Variants in ARHGAP26 observed in about 807,000 individuals in gnomAD.
The protein encoded by ARHGAP26 is rho GTPase-activating protein 26.
A neutral mutation model predicts 104.8 loss-of-function variants in ARHGAP26; 38 were observed. The ratio of observed to expected loss-of-function variants is 0.36; its 90% confidence interval spans 0.28 to 0.48. The LOEUF is 0.48. ARHGAP26 is among the 20% of genes least tolerant of loss of function. ARHGAP26 has a pLI of 0.99. For synonymous variants in ARHGAP26, 341 were observed against 340.0 expected (o/e 1.00, Z -0.03); for missense variants, 704 against 947.9 (o/e 0.74, Z 3.38).
chr5:142,910,262 AG>A (rs1761657451), intron 9 of ARHGAP26, among the ~76,000 whole-genome samples: 1 of 152,174 alleles, frequency 6.6e-6, no homozygotes, highest in Non-Finnish European at 1.5e-5. Flanking sequence ...CAAGTTACAG[AG>A]CTGGTGCTCA....
At chr5:143,215,968 C>G (rs191951910) in intron 22 of ARHGAP26, among the ~76,000 whole-genome samples, 9 of 152,204 alleles carry the variant, frequency 5.9e-5, no homozygotes, top group African/African-American at 2.2e-4. Flanking sequence ...TGGGGATATA[C>G]CTAGGAGTGG....
intron 12 of ARHGAP26, among the ~76,000 whole-genome samples, chr5:143,026,710 G>A (rs1202984760): frequency 6.6e-6 from 1 of 151,264 alleles, no homozygotes; most frequent in Non-Finnish European, 1.5e-5. Context: ...AGAAGTCACT[G>A]GAGAGTTGTG....
intron 11 of ARHGAP26, among the ~76,000 whole-genome samples, chr5:142,992,724 C>T (rs982188445): frequency 7.9e-5 from 12 of 152,128 alleles, no homozygotes; most frequent in Non-Finnish European, 1.5e-4. Context: ...CCACGCCTGG[C>T]CAGTAGTGAT....
intron 17 of ARHGAP26, among the ~76,000 whole-genome samples, chr5:143,087,055 T>C (rs146002835): frequency 0.013 from 2,004 of 152,368 alleles, 45 homozygotes; most frequent in East Asian, 0.078. Flanking sequence ...GCCAGGGTCC[T>C]TGGCATTGTG....
intron 11 of ARHGAP26, among the ~76,000 whole-genome samples, chr5:142,944,895 C>A (rs563750268): frequency 6.6e-6 from 1 of 152,250 alleles, no homozygotes; most frequent in South Asian, 2.1e-4. Context: ...CCTGCTTTAT[C>A]CTGGCTGGTG....
At chr5:143,210,183 G>A (rs781544134) in intron 21 of ARHGAP26, among the ~76,000 whole-genome samples, 18 of 152,168 alleles carry the variant, frequency 1.2e-4, no homozygotes, top group Non-Finnish European at 2.2e-4. Context: ...GCAGTTCCAC[G>A]TGGCTGGGGA....
chr5:143,057,995 A>G, intron 17 of ARHGAP26: 1 of 644,884 alleles, frequency 1.6e-6, no homozygotes, highest in Non-Finnish European at 3.0e-6. Flanking sequence ...TTTCAGGGGG[A>G]TTTTACCTAT....
intron 1 of ARHGAP26, among the ~76,000 whole-genome samples, chr5:142,868,365 C>T (rs372991786): frequency 3.9e-5 from 6 of 152,118 alleles, no homozygotes; most frequent in East Asian, 1.9e-4. Flanking sequence ...GAGGGACTTT[C>T]GTCTTCACCT....
At chr5:142,956,923 G>A (rs1015177137) in intron 11 of ARHGAP26, among the ~76,000 whole-genome samples, 4 of 152,220 alleles carry the variant, frequency 2.6e-5, no homozygotes, top group East Asian at 1.9e-4. Flanking sequence ...GGGAAATACC[G>A]GCCCTCGTGA....
At position 143,227,406 on chromosome 5, in the gene ARHGAP26, T is replaced by C. The variant is rs154786; in HGVS notation, c.*4960T>C. ...CACTTTATAAAGTCAGCAGGATGTC[T>C]TCTCACCCACCCTGTGCTGGTGTCT... On this transcript the variant is annotated 3_prime_UTR_variant, in exon 23 of 23. Coordinates refer to ENST00000645722, the MANE Select transcript of ARHGAP26 (RefSeq NM_001135608.3). The C allele has an allele frequency of 0.62, 144,048 of 230,852 alleles. 47,663 individuals carry two copies. The highest frequency in any genetic ancestry group is 0.88 in the African/African-American group (39,786 of 45,264). 14.3% of individuals were successfully genotyped at this position (230,852 alleles called of 1,614,324 possible).
At chr5:142,838,379 G>C (rs1184308635) in intron 1 of ARHGAP26, among the ~76,000 whole-genome samples, 5 of 152,092 alleles carry the variant, frequency 3.3e-5, no homozygotes, top group African/African-American at 1.2e-4. Context: ...AGCTTTCATT[G>C]TTCTTACCTT....
chr5:142,975,990 A>C (rs1005047219), intron 11 of ARHGAP26, among the ~76,000 whole-genome samples: 5 of 152,230 alleles, frequency 3.3e-5, no homozygotes, highest in Non-Finnish European at 7.3e-5. Context: ...CGTGGAACTT[A>C]GTGACAGGCA....
chr5:142,857,092 C>T (rs1752479225), intron 1 of ARHGAP26, among the ~76,000 whole-genome samples: 1 of 152,184 alleles, frequency 6.6e-6, no homozygotes, highest in African/African-American at 2.4e-5. Context: ...CCTCCATCTT[C>T]ACAGGGCCTT....
intron 17 of ARHGAP26, among the ~76,000 whole-genome samples, chr5:143,091,505 CTATTTT>C (rs1426737650): frequency 6.6e-6 from 1 of 152,156 alleles, no homozygotes; most frequent in Non-Finnish European, 1.5e-5. Flanking sequence ...CCTTTAGCAC[CTATTTT>C]TATTAGTTTC....
intron 1 of ARHGAP26, among the ~76,000 whole-genome samples, chr5:142,796,940 A>G (rs2151941517): frequency 6.6e-6 from 1 of 152,318 alleles, no homozygotes; most frequent in South Asian, 2.1e-4. Flanking sequence ...TTCCGTTTCC[A>G]CTGGGAAGCT....
intron 20 of ARHGAP26, among the ~76,000 whole-genome samples, chr5:143,186,030 C>T (rs183520429): frequency 1.3e-5 from 2 of 152,266 alleles, no homozygotes; most frequent in East Asian, 3.9e-4. Flanking sequence ...GAGGCCATGG[C>T]TCAGAAGGAA....
At chr5:143,010,015 C>T (rs1778523700) in intron 11 of ARHGAP26, among the ~76,000 whole-genome samples, 1 of 152,202 alleles carries the variant, frequency 6.6e-6, no homozygotes, top group Non-Finnish European at 1.5e-5. Flanking sequence ...AATCATAAGA[C>T]AAAGCTATGG....
chr5:142,782,237 G>T (rs1247359861), intron 1 of ARHGAP26, among the ~76,000 whole-genome samples: 1 of 152,158 alleles, frequency 6.6e-6, no homozygotes, highest in African/African-American at 2.4e-5. Flanking sequence ...GTTCCTGCAG[G>T]GCATGCAGGT....
rs963166010 is a variant in ARHGAP26 at position 143,224,864 on chromosome 5, T to C, written c.*2418T>C. On this transcript the variant is annotated 3_prime_UTR_variant, in exon 23 of 23. Coordinates refer to ENST00000645722, the MANE Select transcript of ARHGAP26 (RefSeq NM_001135608.3). The stretch of plus-strand genomic sequence containing the variant: ...AGGTGGTTTTAAAGTTAACAGGGGT[T>C]TGTCATGGTGATTCACTACTCAGTT... 1.3e-5 allele frequency: 3 copies of C among 226,292 alleles called. No individual in the cohort carries two copies. The highest frequency in any genetic ancestry group is 2.6e-5 in the Non-Finnish European group (3 of 113,810). 14.0% of individuals were successfully genotyped at this position (226,292 alleles called of 1,614,324 possible).
Sources: gnomAD v4.1 joint callset for allele counts (sites outside exome capture counted in the v4.1 genomes callset) on GRCh38, gnomAD v4.1.1 for gene constraint, MANE v1.5 for transcripts, NCBI Gene and HGNC (gene_info 2026-07-23, HGNC 2026-07-21) for gene names.